The following GDAP2 variants were observed in gnomAD, a reference collection of about 807,000 sequenced individuals.
GDAP2 encodes ganglioside induced differentiation associated protein 2.
GDAP2 carries 51 observed loss-of-function variants against 67.0 expected under a neutral mutation model. The observed-to-expected ratio is 0.76, with a 90% CI of 0.61 to 0.96. GDAP2 has a LOEUF of 0.96. GDAP2 is among the 40% of genes least tolerant of loss of function. GDAP2 has a pLI of 0.00. For synonymous variants in GDAP2, 203 were observed against 207.3 expected, an observed-to-expected ratio of 0.98 and a Z score of 0.18; for missense variants, 547 against 588.3, an observed-to-expected ratio of 0.93 and a Z score of 0.73.
chr1:117,878,188 T>C (rs1648530364), intron 12 of GDAP2, 36 bp from the exon 13 acceptor site: 1 of 1,165,338 alleles, frequency 8.6e-7, no homozygotes, highest in Non-Finnish European at 1.2e-6. Flanking sequence ...TTTAAGCTAG[T>C]TGCCATAGTT....
intron 8 of GDAP2, among the ~76,000 whole-genome samples, chr1:117,894,201 G>A (rs1195617882): frequency 6.6e-6 from 1 of 151,016 alleles, no homozygotes; most frequent in Non-Finnish European, 1.5e-5. Context: ...GTGCAGTGGT[G>A]TGATCACAGC....
intron 13 of GDAP2, among the ~76,000 whole-genome samples, chr1:117,870,852 T>A (rs1233411007): frequency 6.6e-6 from 1 of 152,188 alleles, no homozygotes; most frequent in African/African-American, 2.4e-5. Flanking sequence ...TTGAATATTT[T>A]ATGTGCCAGA....
chr1:117,901,020 A>C (rs1649450988), intron 6 of GDAP2, among the ~76,000 whole-genome samples: 1 of 152,198 alleles, frequency 6.6e-6, no homozygotes, highest in African/African-American at 2.4e-5. Flanking sequence ...AGATCGTGCC[A>C]CTCTACTCCA....
intron 6 of GDAP2, among the ~76,000 whole-genome samples, chr1:117,899,669 A>G (rs1423104652): frequency 6.6e-6 from 1 of 152,148 alleles, no homozygotes; most frequent in African/African-American, 2.4e-5. Context: ...TTTTCAAAGA[A>G]AAAAGATGAA....
At chr1:117,897,701 C>T (rs1363743680) in intron 7 of GDAP2, among the ~76,000 whole-genome samples, 1 of 152,104 alleles carries the variant, frequency 6.6e-6, no homozygotes, top group Non-Finnish European at 1.5e-5. Flanking sequence ...TAAGCAAAAA[C>T]AAAACAAAAC....
chr1:117,925,976 A>G (rs1650431424), intron 1 of GDAP2, among the ~76,000 whole-genome samples: 1 of 152,210 alleles, frequency 6.6e-6, no homozygotes, highest in Non-Finnish European at 1.5e-5. Context: ...TCCTCTTAAG[A>G]GAGTGTTACA....
intron 13 of GDAP2, among the ~76,000 whole-genome samples, chr1:117,876,702 C>T (rs112413346): frequency 6.6e-6 from 1 of 152,148 alleles, no homozygotes; most frequent in African/African-American, 2.4e-5. Context: ...AAAACAAAAC[C>T]AAGCTTGAGT....
chr1:117,914,099 C>A (rs1649962560), intron 3 of GDAP2, among the ~76,000 whole-genome samples: 1 of 152,192 alleles, frequency 6.6e-6, no homozygotes, highest in Admixed American at 6.5e-5. Flanking sequence ...ATGACTTAGA[C>A]ACCCATGTGT....
chr1:117,925,681 G>C (rs1571000326), intron 1 of GDAP2, among the ~76,000 whole-genome samples: 1 of 152,284 alleles, frequency 6.6e-6, no homozygotes, highest in East Asian at 1.9e-4. Flanking sequence ...TGTTATCATA[G>C]GGTCTGAGTT....
At chr1:117,884,302 A>G (rs1351212738) in intron 10 of GDAP2, among the ~76,000 whole-genome samples, 8 of 152,196 alleles carry the variant, frequency 5.3e-5, no homozygotes, top group Non-Finnish European at 1.0e-4. Flanking sequence ...ATATTCCATT[A>G]CAAAAATGAT....
intron 3 of GDAP2, among the ~76,000 whole-genome samples, chr1:117,913,779 A>G (rs899999173): frequency 7.2e-5 from 11 of 152,090 alleles, no homozygotes; most frequent in African/African-American, 2.4e-4. Flanking sequence ...CTCAAAATTC[A>G]TATGTTAAAC....
chr1:117,921,642 A>C (rs1349970814), intron 1 of GDAP2, among the ~76,000 whole-genome samples: 2 of 152,164 alleles, frequency 1.3e-5, no homozygotes, highest in Non-Finnish European at 2.9e-5. Context: ...AGAGGGAAAA[A>C]CCAGAGGATA....
At chr1:117,916,044 A>G (rs1648001716) in intron 3 of GDAP2, among the ~76,000 whole-genome samples, 1 of 152,210 alleles carries the variant, frequency 6.6e-6, no homozygotes, top group Non-Finnish European at 1.5e-5. Flanking sequence ...AACTTATAGT[A>G]GTAATAAAAG....
At chr1:117,881,713 A>G in intron 12 of GDAP2, 110 bp downstream of exon 12, 1 of 706,920 alleles carries the variant, frequency 1.4e-6, no homozygotes, top group South Asian at 1.6e-5. Flanking sequence ...CCAGGAAATT[A>G]GCAGTCACAA....
chr1:117,883,883 G>A (rs1207324002), intron 10 of GDAP2, among the ~76,000 whole-genome samples: 2 of 152,112 alleles, frequency 1.3e-5, no homozygotes, highest in Non-Finnish European at 2.9e-5. Flanking sequence ...AAGTGATAGA[G>A]GAGAACAATC....
chr1:117,886,384 T>C (rs1648854932), intron 10 of GDAP2, among the ~76,000 whole-genome samples, 193 bp downstream of exon 10: 1 of 152,196 alleles, frequency 6.6e-6, no homozygotes, highest in Non-Finnish European at 1.5e-5. Context: ...ATTTTTTATT[T>C]CTTGGACAGA....
chr1:117,919,647 T>G (rs1338031934), intron 2 of GDAP2, among the ~76,000 whole-genome samples: 1 of 152,156 alleles, frequency 6.6e-6, no homozygotes, highest in Non-Finnish European at 1.5e-5. Flanking sequence ...ATGAATATAT[T>G]AAAAATCACT....
chr1:117,922,642 C>A (rs1447718651), intron 1 of GDAP2, among the ~76,000 whole-genome samples: 4 of 152,134 alleles, frequency 2.6e-5, no homozygotes, highest in Non-Finnish European at 2.9e-5. Flanking sequence ...AGCCACAAAA[C>A]CAGCAAGTTT....
chr1:117,879,863 G>A (rs560180791), intron 12 of GDAP2, among the ~76,000 whole-genome samples: 2 of 152,008 alleles, frequency 1.3e-5, no homozygotes, highest in African/African-American at 2.4e-5. Flanking sequence ...GGAGAAACAC[G>A]GGAACACTAA....
Sources: gnomAD v4.1 joint callset for allele counts (sites outside exome capture counted in the v4.1 genomes callset) on GRCh38, gnomAD v4.1.1 for gene constraint, MANE v1.5 for transcripts, NCBI Gene and HGNC (gene_info 2026-07-23, HGNC 2026-07-21) for gene names.